The following COL23A1 variants were observed in gnomAD, a reference collection of about 807,000 sequenced individuals.
COL23A1 encodes collagen alpha-1(XXIII) chain.
COL23A1 carries 97 observed loss-of-function variants against 99.3 expected under a neutral mutation model. The ratio of observed to expected loss-of-function variants is 0.98; its 90% CI spans 0.83 to 1.16. COL23A1 has a LOEUF of 1.16. Among genes scored for constraint, COL23A1 ranks in the 50% most tolerant of loss-of-function variants. The pLI, the probability that COL23A1 is intolerant of heterozygous loss-of-function variation, is 0.00. For missense variants in COL23A1, 762 were observed against 757.4 expected (o/e 1.01, Z -0.07); for synonymous variants, 320 against 308.2 (o/e 1.04, Z -0.40).
At chr5:178,588,707 T>C (rs1764120948) in intron 1 of COL23A1, among the ~76,000 whole-genome samples, 1 of 150,756 alleles carries the variant, frequency 6.6e-6, no homozygotes, top group Non-Finnish European at 1.5e-5. Context: ...AAGAAACAGG[T>C]GGGGTGAACA....
intron 2 of COL23A1, among the ~76,000 whole-genome samples, chr5:178,333,324 G>T (rs1224740156): frequency 6.6e-6 from 1 of 152,192 alleles, no homozygotes; most frequent in African/African-American, 2.4e-5. Context: ...CCAAGTCTGG[G>T]TTTGGCCTGT....
intron 17 of COL23A1, among the ~76,000 whole-genome samples, chr5:178,251,785 A>G (rs1765041912): frequency 6.6e-6 from 1 of 151,976 alleles, no homozygotes; most frequent in Non-Finnish European, 1.5e-5. Flanking sequence ...TGGAATCTCC[A>G]GTATTTATTA....
chr5:178,249,451 C>A (rs1364858951), intron 18 of COL23A1, among the ~76,000 whole-genome samples: 3 of 152,204 alleles, frequency 2.0e-5, no homozygotes, highest in Non-Finnish European at 4.4e-5. Context: ...ATGGGTGGAT[C>A]ATGTGAGCCT....
intron 18 of COL23A1, among the ~76,000 whole-genome samples, chr5:178,249,716 A>ACACACACACACACACACTCT: frequency 2.2e-5 from 2 of 92,750 alleles, no homozygotes; most frequent in African/African-American, 8.5e-5. Flanking sequence ...ACACACACAC[A>ACACACACACACACACACTCT]CTCTCTCTCT....
intron 2 of COL23A1, among the ~76,000 whole-genome samples, chr5:178,518,613 CAGACGATGGGCGG>C: frequency 4.1e-5 from 6 of 147,714 alleles, no homozygotes; most frequent in Non-Finnish European, 7.4e-5. Context: ...CCTCACATCT[CAGACGATGGGCGG>C]CCGGGCAGAG....
chr5:178,397,006 G>A (rs1764185188), intron 2 of COL23A1, among the ~76,000 whole-genome samples: 1 of 152,188 alleles, frequency 6.6e-6, no homozygotes, highest in Non-Finnish European at 1.5e-5. Context: ...TAGCAGATGG[G>A]AGTCAGACCA....
chr5:178,385,593 T>A (rs1763628819), intron 2 of COL23A1, among the ~76,000 whole-genome samples: 1 of 152,188 alleles, frequency 6.6e-6, no homozygotes, highest in East Asian at 1.9e-4. Flanking sequence ...GTGTGCACGT[T>A]AGGAAGTTAC....
rs1764229414 is a variant in COL23A1, at chr5:178,238,615, A to C, written c.*83T>G. On this transcript the variant is annotated 3_prime_UTR_variant, in exon 29 of 29. Coordinates refer to ENST00000390654, the MANE Select transcript of COL23A1 (RefSeq NM_173465.4). ...CCACAGGTAGCGCATTCCATGAAAA[A>C]AGATCAATATATTACTGTTTTGTTT... is the stretch of plus-strand genomic sequence containing the variant. The C allele has an allele frequency of 4.5e-6, 7 of 1,558,220 alleles. No individual in the cohort carries two copies. Among genetic ancestry groups the C allele is most frequent in the African/African-American group, 1.4e-5 (1 of 73,490 alleles).
chr5:178,502,807 C>T (rs921392998), intron 2 of COL23A1, among the ~76,000 whole-genome samples: 2 of 152,228 alleles, frequency 1.3e-5, no homozygotes, highest in African/African-American at 2.4e-5. Context: ...TGCACAGAGA[C>T]GTTCCCGGCA....
At chr5:178,245,355 T>TATCC (rs148358275) in intron 25 of COL23A1, among the ~76,000 whole-genome samples, 4,765 of 140,980 alleles carry the variant, frequency 0.034, 243 homozygotes, top group African/African-American at 0.11. Flanking sequence ...ATTCATCTAT[T>TATCC]ATCCATCCAT....
At chr5:178,463,737 CAG>C (rs923491676) in intron 2 of COL23A1, among the ~76,000 whole-genome samples, 78 of 152,338 alleles carry the variant, frequency 5.1e-4, no homozygotes, top group African/African-American at 1.8e-3. Flanking sequence ...GGTGTAAACA[CAG>C]GGGGTCTGGA....
intron 2 of COL23A1, among the ~76,000 whole-genome samples, chr5:178,548,553 C>CT (rs3065159): frequency 4.7e-4 from 59 of 124,572 alleles, no homozygotes; most frequent in African/African-American, 8.5e-4. Context: ...TTTGCCTATT[C>CT]TTTTTTTTTT....
intron 1 of COL23A1, among the ~76,000 whole-genome samples, chr5:178,563,741 A>C (rs1243629048): frequency 6.6e-6 from 1 of 152,104 alleles, no homozygotes; most frequent in Non-Finnish European, 1.5e-5. Flanking sequence ...TATGTTGCCC[A>C]GGCTGGTCCC....
At chr5:178,516,334 C>G (rs1459371079) in intron 2 of COL23A1, among the ~76,000 whole-genome samples, 3 of 152,234 alleles carry the variant, frequency 2.0e-5, no homozygotes, top group African/African-American at 7.2e-5. Context: ...GAGGCCTGGC[C>G]TCCTAACATC....
At chr5:178,270,575 G>A (rs536218686) in intron 5 of COL23A1, among the ~76,000 whole-genome samples, 1 of 152,284 alleles carries the variant, frequency 6.6e-6, no homozygotes, top group Admixed American at 6.5e-5. Flanking sequence ...AGAGAGCCCA[G>A]TTCTTCTCTA....
At chr5:178,502,281 G>C (rs181356633) in intron 2 of COL23A1, among the ~76,000 whole-genome samples, 4 of 152,084 alleles carry the variant, frequency 2.6e-5, no homozygotes, top group Non-Finnish European at 4.4e-5. Context: ...ACAGGCGCCC[G>C]CCACCACGCC....
chr5:178,523,183 T>TAA, intron 2 of COL23A1, among the ~76,000 whole-genome samples: 1 of 37,176 alleles, frequency 2.7e-5, no homozygotes, highest in African/African-American at 7.6e-5. Context: ...TATATACACA[T>TAA]ATATATATAT....
intron 9 of COL23A1, 143 bp from the exon 10 acceptor site, chr5:178,262,395 G>T: frequency 1.4e-6 from 1 of 739,918 alleles, no homozygotes; most frequent in Non-Finnish European, 2.2e-6. Context: ...GAGTATCACT[G>T]TCCCCACTCC....
intron 2 of COL23A1, among the ~76,000 whole-genome samples, chr5:178,385,522 T>C (rs1763624595): frequency 6.6e-6 from 1 of 152,328 alleles, no homozygotes; most frequent in East Asian, 1.9e-4. Context: ...CTGGCCGGTC[T>C]CCTCCAGGAG....
Sources: gnomAD v4.1 joint callset for allele counts (sites outside exome capture counted in the v4.1 genomes callset) on GRCh38, gnomAD v4.1.1 for gene constraint, MANE v1.5 for transcripts, NCBI Gene and HGNC (gene_info 2026-07-23, HGNC 2026-07-21) for gene names.